FAM117A: variants seen among roughly 807,000 people sequenced by gnomAD.
FAM117A encodes protein FAM117A.
FAM117A carries 21 observed loss-of-function variants against 44.1 expected under a neutral mutation model. The observed-to-expected ratio is 0.48, with a 90% CI of 0.34 to 0.69. The LOEUF (loss-of-function observed/expected upper bound fraction) is 0.69, where lower values mean the gene tolerates loss of function less well. FAM117A is among the 30% of genes least tolerant of loss of function. The pLI is 0.01. For missense variants in FAM117A, 498 were observed against 589.9 expected (o/e 0.84, Z 1.61); for synonymous variants, 220 against 238.3 (o/e 0.92, Z 0.71).
Position 49,716,140 on chromosome 17 carries a change from C to T in FAM117A, c.1061+25G>A, listed in dbSNP as rs764189202. On this transcript the variant is annotated intron_variant, in intron 7 of 7. Coordinates refer to ENST00000240364, the MANE Select transcript of FAM117A (RefSeq NM_030802.4). The stretch of plus-strand genomic sequence containing the variant: ...AATGTAGGCCCACCCTCCCCTCCCA[C>T]ACCCTGTCCACTTGGTGTACTCACG... The T allele has an allele frequency of 4.4e-6, 7 of 1,590,290 alleles. No homozygotes were observed. In the African/African-American group the frequency reaches 5.4e-5, roughly 12 times the overall value.
At position 49,772,210 on chromosome 17, in the gene FAM117A, T is replaced by C. The variant is rs117160381; in HGVS notation, c.-621+16287A>G. 8.9e-4 allele frequency among the ~76,000 whole-genome samples: 134 copies of C among 151,224 alleles called. 2 individuals carry two copies. The East Asian group carries it at 0.018, about 20-fold the overall frequency. ...TGGGAGGCTGAGGTGGGAGGATTGC[T>C]TAACCCAGGAGATCAAGGCTGCAGC... On this transcript the variant is annotated intron_variant, in intron 1 of 7. Coordinates refer to the FAM117A transcript ENST00000513602.
At chr17:49,747,801 G>A (rs576846951) in intron 1 of FAM117A, among the ~76,000 whole-genome samples, 2 of 152,294 alleles carry the variant, frequency 1.3e-5, no homozygotes, top group South Asian at 4.2e-4. Context: ...CTCTAGCTGT[G>A]AAAGAACCCC....
At chr17:49,787,451 G>C (rs968242145) in intron 1 of FAM117A, among the ~76,000 whole-genome samples, 1 of 152,338 alleles carries the variant, frequency 6.6e-6, no homozygotes, top group South Asian at 2.1e-4. Context: ...CAAGGAGAGT[G>C]CTGGCTAAAG....
chr17:49,717,975 G>A (rs375342445), intron 5 of FAM117A: 1 of 320,766 alleles, frequency 3.1e-6, no homozygotes, highest in African/African-American at 2.1e-5. Context: ...CACCTGTAGG[G>A]CTTGATCAAT....
At chr17:49,760,998 G>A (rs548945601) in intron 1 of FAM117A, among the ~76,000 whole-genome samples, 6 of 152,070 alleles carry the variant, frequency 3.9e-5, no homozygotes, top group Non-Finnish European at 7.4e-5. Flanking sequence ...CTCATTTTAC[G>A]AAGACATACC....
chr17:49,733,107 C>T (rs1319129241), intron 1 of FAM117A, among the ~76,000 whole-genome samples: 2 of 152,232 alleles, frequency 1.3e-5, no homozygotes, highest in Non-Finnish European at 2.9e-5. Context: ...AACAAATTTT[C>T]TTCCATCTTT....
chr17:49,732,939 C>T (rs2073592824), intron 1 of FAM117A: 2 of 555,128 alleles, frequency 3.6e-6, no homozygotes, highest in African/African-American at 1.9e-5. Flanking sequence ...ACAATTTATA[C>T]CATTTTACTT....
chr17:49,764,183 G>C, upstream of FAM117A: 2 of 597,716 alleles, frequency 3.3e-6, no homozygotes, highest in Non-Finnish European at 5.1e-6. Flanking sequence ...GGCGGGGACC[G>C]GCCCCCTCAT....
At chr17:49,712,423 G>A (rs2073483156) in intron 7 of FAM117A, among the ~76,000 whole-genome samples, 1 of 152,208 alleles carries the variant, frequency 6.6e-6, no homozygotes, top group African/African-American at 2.4e-5. Flanking sequence ...AATGTCTCTT[G>A]ATATTGCCAA....
rs78199886 is a variant in FAM117A, at chr17:49,710,743, C to G, written c.*512G>C. 8,831 of 152,876 alleles carry G rather than the reference C, an allele frequency of 0.058. 301 individuals are homozygous for G. The highest frequency in any genetic ancestry group is 0.099 in the Admixed American group (1,518 of 15,304). The allele number at this position is 152,876 out of a possible 1,614,324, so 9.5% of individuals were successfully genotyped here. On this transcript the variant is annotated 3_prime_UTR_variant, in exon 8 of 8. Coordinates refer to ENST00000240364, the MANE Select transcript of FAM117A (RefSeq NM_030802.4). ...ACTTGTTTCCTCCCTCTGCCAGCAG[C>G]TGAATTGGTCAAGTGTTATGGCCCG...
chr17:49,722,176 C>G (rs1489775450), intron 3 of FAM117A, among the ~76,000 whole-genome samples: 1 of 152,098 alleles, frequency 6.6e-6, no homozygotes, highest in East Asian at 1.9e-4. Context: ...CCAGGAACTC[C>G]CTCCCTGTCT....
intron 7 of FAM117A, among the ~76,000 whole-genome samples, chr17:49,712,690 T>C (rs1938328886): frequency 6.6e-6 from 1 of 152,090 alleles, no homozygotes; most frequent in Admixed American, 6.6e-5. Context: ...GCTTTACTTT[T>C]ATTTTGTAGA....
intron 1 of FAM117A, among the ~76,000 whole-genome samples, chr17:49,777,464 G>A (rs972975793): frequency 2.6e-5 from 4 of 152,160 alleles, no homozygotes; most frequent in Admixed American, 6.5e-5. Flanking sequence ...TATGGAACTG[G>A]CTGGAATGAG....
Position 49,747,892 on chromosome 17 carries a change from G to T in FAM117A, c.197-15172C>A, listed in dbSNP as rs75228659. Among the ~76,000 whole-genome samples the T allele has an allele frequency of 5.9e-3, 899 of 152,310 alleles. 7 individuals carry two copies. Among genetic ancestry groups the T allele is most frequent in the African/African-American group, 0.021 (856 of 41,574 alleles). On this transcript the variant is annotated intron_variant, in intron 1 of 7. Transcript: ENST00000240364. The stretch of plus-strand genomic sequence containing the variant: ...TGGTTGTTCAGATTTCCTAAGGGAA[G>T]CTCAAAGGTTATGTAGTGCCTCCAG...
At chr17:49,759,994 C>T (rs529898831) in intron 1 of FAM117A, among the ~76,000 whole-genome samples, 27 of 152,038 alleles carry the variant, frequency 1.8e-4, no homozygotes, top group East Asian at 1.9e-4. Flanking sequence ...ATGTGTTCAC[C>T]GCAGTTTTGG....
Position 49,711,375 on chromosome 17 carries a change from G to C in FAM117A, c.1242C>G (p.Pro414=). 1 of 1,611,500 alleles carries C rather than the reference G, an allele frequency of 6.2e-7. No individual in the cohort carries two copies. Among genetic ancestry groups the C allele is most frequent in the Non-Finnish European group, 8.5e-7 (1 of 1,178,776 alleles). ...CCGGATCCTTCCGAGGTGGTGGCCT[G>C]GGGCTGGCCGGGGGAAGGGGAGATC... The part of the protein sequence containing the change: ...NPGSPLPPAS[P]RPPPRKDPEA... Residue 414 remains proline, a synonymous_variant, in exon 8 of 8, where the codon CCC becomes CCG. Coordinates refer to ENST00000240364, the MANE Select transcript of FAM117A (RefSeq NM_030802.4).
intron 7 of FAM117A, among the ~76,000 whole-genome samples, chr17:49,712,889 T>G (rs938288234): frequency 1.3e-5 from 2 of 152,074 alleles, no homozygotes; most frequent in African/African-American, 4.8e-5. Flanking sequence ...TTTTTAATTG[T>G]TTTTAGAGAC....
chr17:49,768,417 T>G (rs1001331099), upstream of FAM117A, among the ~76,000 whole-genome samples: 1 of 152,236 alleles, frequency 6.6e-6, no homozygotes, highest in Admixed American at 6.5e-5. Context: ...TTCAGCGGGC[T>G]AGAGAAGTCT....
chr17:49,748,419 C>A (rs973793696), intron 1 of FAM117A, among the ~76,000 whole-genome samples: 1 of 152,180 alleles, frequency 6.6e-6, no homozygotes, highest in Admixed American at 6.5e-5. Flanking sequence ...TTCGCATCCT[C>A]CTGCATCTTG....
Sources: gnomAD v4.1 joint callset for allele counts (sites outside exome capture counted in the v4.1 genomes callset) on GRCh38, gnomAD v4.1.1 for gene constraint, MANE v1.5 for transcripts, NCBI Gene and HGNC (gene_info 2026-07-23, HGNC 2026-07-21) for gene names.